UNC5C: variants seen among roughly 807,000 people sequenced by gnomAD.
The protein encoded by UNC5C is netrin receptor UNC5C.
In UNC5C, 47 loss-of-function variants were observed where a neutral mutation model predicts 99.8. That is an observed-to-expected ratio of 0.47 (90% confidence interval 0.37 to 0.60). The LOEUF is 0.60. Among genes scored for constraint, UNC5C ranks in the 20% least tolerant of loss-of-function variants. The probability of loss-of-function intolerance (pLI) is 0.00; values close to 1 mark genes in which losing one functional copy is unlikely to be tolerated. For synonymous variants in UNC5C, 487 were observed against 452.2 expected (o/e 1.08, Z -0.98); for missense variants, 1,062 against 1,165.9 (o/e 0.91, Z 1.30).
intron 1 of UNC5C, among the ~76,000 whole-genome samples, chr4:95,466,754 T>C (rs1747791471): frequency 6.6e-6 from 1 of 152,138 alleles, no homozygotes; most frequent in Non-Finnish European, 1.5e-5. Flanking sequence ...AATCACATTA[T>C]AGTGTTATTG....
chr4:95,319,791 C>G (rs1311852705), intron 2 of UNC5C, among the ~76,000 whole-genome samples: 1 of 151,924 alleles, frequency 6.6e-6, no homozygotes, highest in Non-Finnish European at 1.5e-5. Context: ...GTTGTGTTTT[C>G]AAAGATGCCA....
At chr4:95,329,464 T>C (rs1200746162) in intron 2 of UNC5C, among the ~76,000 whole-genome samples, 1 of 152,202 alleles carries the variant, frequency 6.6e-6, no homozygotes, top group Non-Finnish European at 1.5e-5. Flanking sequence ...ATATTGATGG[T>C]ATTTTCAAAT....
chr4:95,416,948 T>G (rs187508416), intron 1 of UNC5C, among the ~76,000 whole-genome samples: 1 of 152,122 alleles, frequency 6.6e-6, no homozygotes, highest in Non-Finnish European at 1.5e-5. Flanking sequence ...GTCCAGAAAT[T>G]TAAAGAGTGA....
chr4:95,410,736 G>T (rs1227676251), intron 1 of UNC5C, among the ~76,000 whole-genome samples: 1 of 152,168 alleles, frequency 6.6e-6, no homozygotes, highest in Admixed American at 6.5e-5. Flanking sequence ...GAACACTAGA[G>T]ATGATGGCCT....
chr4:95,436,620 T>C (rs1578162502), intron 1 of UNC5C, among the ~76,000 whole-genome samples: 2 of 151,932 alleles, frequency 1.3e-5, no homozygotes, highest in South Asian at 4.1e-4. Context: ...TAATTAAGTC[T>C]AGGAGTAACT....
intron 12 of UNC5C, among the ~76,000 whole-genome samples, chr4:95,200,124 G>T (rs1365468635): frequency 6.6e-6 from 1 of 152,174 alleles, no homozygotes; most frequent in African/African-American, 2.4e-5. Context: ...GCCCTCTACA[G>T]TCTTTTCCCC....
chr4:95,366,453 A>C (rs1457475031), intron 1 of UNC5C, among the ~76,000 whole-genome samples: 1 of 152,252 alleles, frequency 6.6e-6, no homozygotes, highest in Non-Finnish European at 1.5e-5. Context: ...TGGAGCATCC[A>C]ACAATAATGA....
At position 95,386,914 on chromosome 4, in the gene UNC5C, C is replaced by A. The variant is rs535281342; in HGVS notation, c.125-51283G>T. Among the ~76,000 whole-genome samples, 79 of 152,128 alleles carry A rather than the reference C, an allele frequency of 5.2e-4. 1 individual carries two copies. In the South Asian group the frequency reaches 0.016, roughly 31 times the overall value. On this transcript the variant is annotated intron_variant, in intron 1 of 15. Transcript: ENST00000453304. Reference sequence around the variant, plus strand: ...ATGGGTTATAATATAAGATTAGAAACCTATACAAGATGCCAACAAAATATG... The same window carrying A: ...ATGGGTTATAATATAAGATTAGAAAACTATACAAGATGCCAACAAAATATG...
At chr4:95,194,588 C>G (rs1302550182) in intron 12 of UNC5C, among the ~76,000 whole-genome samples, 1 of 152,140 alleles carries the variant, frequency 6.6e-6, no homozygotes, top group African/African-American at 2.4e-5. Flanking sequence ...GTCTTCAAAT[C>G]CAACAATGAC....
rs373815747 is a variant in UNC5C at position 95,172,181 on chromosome 4, T to C, written c.2452-1849A>G. On this transcript the variant is annotated intron_variant, in intron 14 of 15. Coordinates refer to ENST00000453304, the MANE Select transcript of UNC5C (RefSeq NM_003728.4). ...TAGGTTGCGAAAATTTTCTCCCATT[T>C]TGTAGGTTGCCTGTTGACTCTGATG... Among the ~76,000 whole-genome samples, 5 of 150,496 alleles carry C rather than the reference T, an allele frequency of 3.3e-5. No homozygotes were observed. In the South Asian group the frequency reaches 6.4e-4, roughly 19 times the overall value.
chr4:95,541,745 C>A (rs1722927115), intron 1 of UNC5C, among the ~76,000 whole-genome samples: 1 of 151,898 alleles, frequency 6.6e-6, no homozygotes, highest in Non-Finnish European at 1.5e-5. Context: ...ACTGTAGATG[C>A]ATTTTAATAA....
At chr4:95,214,620 T>C (rs1738185199) in intron 10 of UNC5C, among the ~76,000 whole-genome samples, 1 of 152,220 alleles carries the variant, frequency 6.6e-6, no homozygotes, top group Non-Finnish European at 1.5e-5. Context: ...CCTTAAGGCT[T>C]GATCTTCAGC....
intron 1 of UNC5C, among the ~76,000 whole-genome samples, chr4:95,417,626 T>C (rs1415350097): frequency 6.6e-6 from 1 of 152,194 alleles, no homozygotes; most frequent in Non-Finnish European, 1.5e-5. Flanking sequence ...TTCATAGTTG[T>C]ATTTCCTTAT....
intron 1 of UNC5C, among the ~76,000 whole-genome samples, chr4:95,503,250 C>T (rs1027317504): frequency 4.6e-5 from 7 of 152,084 alleles, no homozygotes; most frequent in Non-Finnish European, 1.0e-4. Context: ...TTCTCACCCT[C>T]TCCCCTTTCA....
At position 95,220,141 on chromosome 4, in the gene UNC5C, C is replaced by T; in HGVS notation, c.1144G>A (p.Gly382Arg). Residue 382 changes from glycine to arginine, a missense_variant, in exon 8 of 16, where the codon GGG becomes AGG. Gly to Arg is a moderately radical substitution (Grantham distance 125). Coordinates refer to ENST00000453304, the MANE Select transcript of UNC5C (RefSeq NM_003728.4). ...CAAACGATCACTGCTATCACAATCCCAACATAGAGAGCAACATCATCTGAA... is the reference window on the plus strand; with the variant it reads ...CAAACGATCACTGCTATCACAATCCTAACATAGAGAGCAACATCATCTGAA... ...PDSDDVALYVGIVIAVIVCLA... is the reference protein window; with the variant it reads ...PDSDDVALYVRIVIAVIVCLA... 1.2e-6 allele frequency: 2 copies of T among 1,613,936 alleles called. No individual in the cohort carries two copies. The highest frequency in any genetic ancestry group is 1.7e-6 in the Non-Finnish European group (2 of 1,179,950).
intron 1 of UNC5C, among the ~76,000 whole-genome samples, chr4:95,386,602 C>T (rs1745217698): frequency 1.3e-5 from 2 of 152,170 alleles, no homozygotes; most frequent in South Asian, 4.1e-4. Context: ...CTGTTCCTCT[C>T]TATCCAATGC....
chr4:95,373,627 T>A (rs1744808670), intron 1 of UNC5C, among the ~76,000 whole-genome samples: 1 of 152,164 alleles, frequency 6.6e-6, no homozygotes, highest in South Asian at 2.1e-4. Context: ...CGCGGCTGTA[T>A]CCTCAGCACT....
intron 1 of UNC5C, among the ~76,000 whole-genome samples, chr4:95,347,334 C>T (rs570634501): frequency 1.5e-4 from 23 of 152,088 alleles, no homozygotes; most frequent in African/African-American, 4.8e-4. Context: ...GTCCATACTA[C>T]CCAAAGCAAT....
chr4:95,542,419 G>A (rs1345891413), intron 1 of UNC5C, among the ~76,000 whole-genome samples: 2 of 152,038 alleles, frequency 1.3e-5, no homozygotes. Flanking sequence ...CTGACCTAAG[G>A]ACAAATATCT....
Sources: gnomAD v4.1 joint callset for allele counts (sites outside exome capture counted in the v4.1 genomes callset) on GRCh38, gnomAD v4.1.1 for gene constraint, MANE v1.5 for transcripts, NCBI Gene and HGNC (gene_info 2026-07-23, HGNC 2026-07-21) for gene names.